The following DHX57 variants were observed in gnomAD, a reference collection of about 807,000 sequenced individuals.
The protein encoded by DHX57 is DExH-box helicase 57.
In DHX57, 105 loss-of-function variants were observed where a neutral mutation model predicts 156.2. The ratio of observed to expected loss-of-function variants is 0.67; its 90% CI spans 0.57 to 0.79. The LOEUF (loss-of-function observed/expected upper bound fraction) is 0.79. Ranked by LOEUF, DHX57 falls within the 30% of genes least tolerant of loss-of-function variation. The probability of loss-of-function intolerance (pLI) is 0.00; values close to 1 mark genes in which losing one functional copy is unlikely to be tolerated. For missense variants in DHX57, 1,847 were observed against 1,661.9 expected (o/e 1.11, Z -1.94); for synonymous variants, 704 against 595.6 (o/e 1.18, Z -2.65).
At chr2:38,839,742 GA>G (rs1671882483) in intron 12 of DHX57, among the ~76,000 whole-genome samples, 1 of 150,688 alleles carries the variant, frequency 6.6e-6, no homozygotes, top group South Asian at 2.1e-4. Flanking sequence ...AAGGAGTTTT[GA>G]AACAATGTTG....
At chr2:38,871,449 G>A (rs1478332720) in intron 1 of DHX57, among the ~76,000 whole-genome samples, 2 of 152,130 alleles carry the variant, frequency 1.3e-5, no homozygotes, top group Non-Finnish European at 2.9e-5. Flanking sequence ...ACTATAAAAA[G>A]GAGGAAAGGA....
chr2:38,800,546 A>G (rs1669634529), intron 23 of DHX57, among the ~76,000 whole-genome samples: 2 of 152,172 alleles, frequency 1.3e-5, no homozygotes, highest in South Asian at 2.1e-4. Flanking sequence ...ACACAGGTTC[A>G]CACTGTGAGC....
intron 17 of DHX57, among the ~76,000 whole-genome samples, chr2:38,820,763 G>C (rs947356534): frequency 6.7e-6 from 1 of 150,260 alleles, no homozygotes; most frequent in Admixed American, 6.7e-5. Context: ...TAAAACTGAA[G>C]AAACTGAATA....
intron 2 of DHX57, among the ~76,000 whole-genome samples, chr2:38,865,146 T>C (rs1553336599): frequency 1.3e-5 from 2 of 152,238 alleles, no homozygotes; most frequent in Non-Finnish European, 1.5e-5. Context: ...CTAAAAATTT[T>C]TATTGACACA....
Position 38,837,947 on chromosome 2 carries a change from C to G in DHX57, c.2426G>C (p.Gly809Ala). The G allele has an allele frequency of 6.3e-7, 1 of 1,594,654 alleles. No individual in the cohort carries two copies. The highest frequency in any genetic ancestry group is 8.6e-7 in the Non-Finnish European group (1 of 1,162,866). ...DFKQLLARYK[G>A]VSKSVIKTMS... Reference sequence around the variant, plus strand: ...TGTTTTGATGACTGACTTGCTAACCCCTGAAAGAAAGAAAGGTAAAAATGA... The same window carrying G: ...TGTTTTGATGACTGACTTGCTAACCGCTGAAAGAAAGAAAGGTAAAAATGA... The change falls in exon 13 of 24, where the codon GGG (glycine) becomes GCG (alanine). Residue 809 changes from glycine to alanine, a missense_variant and splice_region_variant. By Grantham distance (60) the Gly-to-Ala change is moderately conservative. Coordinates refer to ENST00000457308, the MANE Select transcript of DHX57 (RefSeq NM_198963.3).
At chr2:38,856,503 CTTTTTTT>C (rs372510406) in intron 6 of DHX57, 42 bp from the exon 7 acceptor site, 101 of 1,392,064 alleles carry the variant, frequency 7.3e-5, no homozygotes, top group South Asian at 6.7e-4. Flanking sequence ...GTTACTTTTT[CTTTTTTT>C]TTTTTTTTTT....
chr2:38,854,029 T>G, intron 9 of DHX57, 25 bp downstream of exon 9: 1 of 1,590,352 alleles, frequency 6.3e-7, no homozygotes, highest in Non-Finnish European at 8.6e-7. Flanking sequence ...TGAGTGTGTG[T>G]TCCCTGGGAA....
chr2:38,816,315 A>G, intron 19 of DHX57: 2 of 446,228 alleles, frequency 4.5e-6, no homozygotes, highest in South Asian at 3.2e-5. Context: ...CCTGGGTTCA[A>G]GTGATTCTCT....
At chr2:38,849,202 G>C (rs765171048) in intron 9 of DHX57, among the ~76,000 whole-genome samples, 4 of 152,156 alleles carry the variant, frequency 2.6e-5, no homozygotes, top group Non-Finnish European at 5.9e-5. Flanking sequence ...ATATCATCCA[G>C]TCTATGAAAT....
In DHX57 at chr2:38,831,862, T is replaced by G. The variant is rs75469349; in HGVS notation, c.2543-3426A>C. ...TTCATCTCAAAAAAAAAAAAAAAAT[T>G]ACAAAAATTAGCTGGGGGACATGGT... On this transcript the variant is annotated intron_variant, in intron 13 of 23. Coordinates refer to ENST00000457308, the MANE Select transcript of DHX57 (RefSeq NM_198963.3). Among the ~76,000 whole-genome samples the G allele has an allele frequency of 2.2e-4, 32 of 144,124 alleles. No homozygotes were observed. The South Asian group carries it at 2.2e-3, about 10-fold the overall frequency. 94.6% of individuals were successfully genotyped at this position (144,124 alleles called of 152,430 possible).
At chr2:38,833,460 A>C (rs1269570133) in intron 13 of DHX57, among the ~76,000 whole-genome samples, 3 of 152,030 alleles carry the variant, frequency 2.0e-5, no homozygotes, top group Non-Finnish European at 2.9e-5. Flanking sequence ...AGATATTAGG[A>C]TAGAGTAAGG....
chr2:38,801,026 T>C (rs1669655888), intron 23 of DHX57, among the ~76,000 whole-genome samples: 1 of 152,178 alleles, frequency 6.6e-6, no homozygotes, highest in Admixed American at 6.6e-5. Flanking sequence ...ATAAAATATA[T>C]TAAGATTAAT....
chr2:38,806,818 CCTTT>C (rs1669963330), intron 21 of DHX57, 125 bp from the exon 22 acceptor site: 8 of 933,314 alleles, frequency 8.6e-6, no homozygotes, highest in Admixed American at 3.1e-5. Flanking sequence ...CTGTTTGTTC[CCTTT>C]CTTTCTTATT....
chr2:38,873,054 C>T (rs1665425413), intron 1 of DHX57, among the ~76,000 whole-genome samples: 1 of 151,956 alleles, frequency 6.6e-6, no homozygotes, highest in Non-Finnish European at 1.5e-5. Context: ...GTGGCACAAT[C>T]TTGGCTCACA....
At chr2:38,852,451 A>G (rs1326034299) in intron 9 of DHX57, among the ~76,000 whole-genome samples, 1 of 150,930 alleles carries the variant, frequency 6.6e-6, no homozygotes, top group Non-Finnish European at 1.5e-5. Flanking sequence ...GTGGTACAAT[A>G]CTTTGTGGGA....
At position 38,825,700 on chromosome 2, in the gene DHX57, A is replaced by G. The variant is rs1295281757; in HGVS notation, c.3014+147T>C. 3.7e-5 allele frequency: 30 copies of G among 800,900 alleles called. 1 individual carries two copies. In the South Asian group the frequency reaches 5.2e-4, roughly 14 times the overall value. 49.6% of individuals were successfully genotyped at this position (800,900 alleles called of 1,614,324 possible). On this transcript the variant is annotated intron_variant, in intron 16 of 23. Transcript: ENST00000457308. The stretch of plus-strand genomic sequence containing the variant: ...TAAAAGGAATGGTAAAGGCAACACT[A>G]AGGATATCTTTCTTCACAAATAAAT...
intron 14 of DHX57, among the ~76,000 whole-genome samples, chr2:38,827,352 A>C (rs1671139588): frequency 6.7e-6 from 1 of 150,080 alleles, no homozygotes; most frequent in African/African-American, 2.4e-5. Context: ...CTTTAAATAC[A>C]AGATGAGCCT....
intron 2 of DHX57, among the ~76,000 whole-genome samples, chr2:38,864,408 A>G (rs1664942128): frequency 6.6e-6 from 1 of 152,144 alleles, no homozygotes; most frequent in African/African-American, 2.4e-5. Context: ...TAAAAAAATT[A>G]CACAGCATAT....
intron 4 of DHX57, 43 bp from the exon 5 acceptor site, chr2:38,861,880 G>C (rs902165333): frequency 2.6e-6 from 4 of 1,519,974 alleles, no homozygotes; most frequent in African/African-American, 2.8e-5. Flanking sequence ...ATAAAAAGCA[G>C]TATCACACCA....
Sources: allele counts gnomAD v4.1 joint callset (sites outside exome capture counted in the v4.1 genomes callset), GRCh38; gene constraint gnomAD v4.1.1; transcripts MANE v1.5; gene names NCBI Gene and HGNC (gene_info 2026-07-23, HGNC 2026-07-21).